DPP6: variants seen among roughly 807,000 people sequenced by gnomAD.
DPP6 encodes dipeptidyl peptidase like 6.
A neutral mutation model predicts 122.6 loss-of-function variants in DPP6; 69 were observed. The observed-to-expected ratio is 0.56, with a 90% confidence interval of 0.46 to 0.69. The LOEUF (loss-of-function observed/expected upper bound fraction) is 0.69. Among genes scored for constraint, DPP6 ranks in the 30% least tolerant of loss-of-function variants. The pLI, the probability that DPP6 is intolerant of heterozygous loss-of-function variation, is 0.00. For missense variants in DPP6, 928 were observed against 1,116.9 expected (o/e 0.83, Z 2.41); for synonymous variants, 418 against 433.1 (o/e 0.97, Z 0.43).
chr7:154,666,286 A>G (rs1234774289), intron 6 of DPP6, among the ~76,000 whole-genome samples: 1 of 150,848 alleles, frequency 6.6e-6, no homozygotes. Context: ...ATCACTCCAT[A>G]TCTGTTTATA....
In DPP6 at chr7:154,875,327, C is replaced by T. The variant is rs974527876; in HGVS notation, c.1884-579C>T. On this transcript the variant is annotated intron_variant, in intron 19 of 25. Coordinates refer to ENST00000377770, the MANE Select transcript of DPP6 (RefSeq NM_130797.4). This position sits in a 1 kb window ranked among gnomAD's most constrained non-coding sequence, Gnocchi z 4.5. Reference sequence around the variant, plus strand: ...GCTGGGAGGAGAGCACAGTGGGAGCCGCCAGCCCAGGTCGGAGGCCACACT... The same window carrying T: ...GCTGGGAGGAGAGCACAGTGGGAGCTGCCAGCCCAGGTCGGAGGCCACACT... Among the ~76,000 whole-genome samples the T allele has an allele frequency of 2.0e-5, 3 of 152,280 alleles. No individual in the cohort carries two copies. Among genetic ancestry groups the T allele is most frequent in the East Asian group, 1.9e-4 (1 of 5,168 alleles).
At chr7:153,977,018 A>G (rs1294194454) in intron 1 of DPP6, among the ~76,000 whole-genome samples, 2 of 152,134 alleles carry the variant, frequency 1.3e-5, no homozygotes, top group African/African-American at 4.8e-5. Context: ...CCCACTTTTC[A>G]TTCTGCACAC....
chr7:153,809,525 A>T, the DPP6 span, among the ~76,000 whole-genome samples: 1 of 152,202 alleles, frequency 6.6e-6, no homozygotes, highest in Non-Finnish European at 1.5e-5. Flanking sequence ...ACACTTCCGT[A>T]ATTCCTCCCC....
At chr7:154,772,503 C>T (rs755979613) in intron 9 of DPP6, among the ~76,000 whole-genome samples, 4 of 152,150 alleles carry the variant, frequency 2.6e-5, no homozygotes, top group Non-Finnish European at 4.4e-5. Flanking sequence ...TCCAACTCTC[C>T]CCTTCCTGGC....
At chr7:154,472,164 T>C (rs754309776) in intron 2 of DPP6, among the ~76,000 whole-genome samples, 3 of 152,194 alleles carry the variant, frequency 2.0e-5, no homozygotes, top group Non-Finnish European at 4.4e-5. Flanking sequence ...TGAAGAAAAA[T>C]AGTCTTTAAG....
chr7:154,868,832 G>A (rs1010046691), intron 18 of DPP6, among the ~76,000 whole-genome samples: 54 of 152,272 alleles, frequency 3.5e-4, no homozygotes, highest in African/African-American at 9.4e-4. Flanking sequence ...TGCCCACAGC[G>A]GATTTCACTG....
intron 8 of DPP6, among the ~76,000 whole-genome samples, chr7:154,764,757 T>C (rs1311223368): frequency 1.3e-5 from 2 of 152,216 alleles, no homozygotes. Context: ...GTTTACTGTA[T>C]TACAAACTTC....
chr7:154,722,651 G>T (rs1023377127), intron 7 of DPP6, among the ~76,000 whole-genome samples: 2 of 152,128 alleles, frequency 1.3e-5, no homozygotes, highest in Non-Finnish European at 2.9e-5. Flanking sequence ...TTGAGTGAGG[G>T]TGGCCCACGG....
chr7:154,042,715 A>C (rs1258642036), intron 1 of DPP6, among the ~76,000 whole-genome samples: 3 of 152,208 alleles, frequency 2.0e-5, no homozygotes, highest in Non-Finnish European at 1.5e-5. Context: ...TTCTCAATGA[A>C]GATTTTAAGG....
chr7:154,112,068 C>T (rs1483254205), intron 1 of DPP6, among the ~76,000 whole-genome samples: 5 of 152,102 alleles, frequency 3.3e-5, no homozygotes, highest in Admixed American at 1.3e-4. Context: ...TGGAGTGGAT[C>T]ACGAAGGGTA....
At chr7:154,208,570 G>A (rs936621786) in intron 1 of DPP6, among the ~76,000 whole-genome samples, 11 of 152,142 alleles carry the variant, frequency 7.2e-5, no homozygotes, top group Non-Finnish European at 1.5e-5. Context: ...AGAATTGATC[G>A]GCTGACTTAA....
rs777785695 is a variant in DPP6 at position 154,052,655 on chromosome 7, C to T, written c.-166C>T. ...CCAGCGGAGACTCGCGAGTGGCGCG[C>T]GGGAGGAGCGGCCGCCGGCGCTGGG... On this transcript the variant is annotated 5_prime_UTR_variant, in exon 1 of 26. Transcript: ENST00000377770. This position sits in a 1 kb window ranked among gnomAD's most constrained non-coding sequence, Gnocchi z 4.8. The T allele has an allele frequency of 4.3e-5, 54 of 1,255,894 alleles. No individual in the cohort carries two copies. Among genetic ancestry groups the T allele is most frequent in the Non-Finnish European group, 5.0e-5 (50 of 990,130 alleles). The allele number at this position is 1,255,894 out of a possible 1,614,324, so 77.8% of individuals were successfully genotyped here. A position where few individuals can be genotyped will look rare whatever the true frequency, so the allele number is the denominator to read the frequency against.
the DPP6 span, among the ~76,000 whole-genome samples, chr7:153,774,722 T>C: frequency 6.6e-6 from 1 of 152,116 alleles, no homozygotes; most frequent in Non-Finnish European, 1.5e-5. Flanking sequence ...CCTGACTCTT[T>C]GGGAGGCTGA....
chr7:154,247,297 A>T (rs1222406512), intron 1 of DPP6, among the ~76,000 whole-genome samples: 1 of 152,216 alleles, frequency 6.6e-6, no homozygotes, highest in African/African-American at 2.4e-5. Context: ...TGGGCGACAG[A>T]GTGAGACTCA....
At chr7:154,116,935 G>A (rs1242204428) in intron 1 of DPP6, among the ~76,000 whole-genome samples, 2 of 152,024 alleles carry the variant, frequency 1.3e-5, no homozygotes, top group African/African-American at 4.8e-5. Context: ...CACGGGAGGG[G>A]CACCCCCAAA....
At chr7:154,266,010 A>G (rs1803396107) in intron 1 of DPP6, among the ~76,000 whole-genome samples, 1 of 152,166 alleles carries the variant, frequency 6.6e-6, no homozygotes, top group African/African-American at 2.4e-5. Flanking sequence ...AACCATGGTG[A>G]GACATTGTAG....
intron 5 of DPP6, among the ~76,000 whole-genome samples, chr7:154,576,472 G>A (rs1831680364): frequency 6.6e-6 from 1 of 152,154 alleles, no homozygotes; most frequent in Non-Finnish European, 1.5e-5. Flanking sequence ...CATGCCTTTT[G>A]TAGTAGAAAG....
chr7:154,504,837 T>G (rs928638443), intron 3 of DPP6, among the ~76,000 whole-genome samples: 1 of 151,872 alleles, frequency 6.6e-6, no homozygotes, highest in African/African-American at 2.4e-5. Context: ...AAATTACATG[T>G]TTTTGAAACT....
intron 1 of DPP6, among the ~76,000 whole-genome samples, chr7:154,258,712 AC>A (rs1216318417): frequency 8.5e-5 from 13 of 152,222 alleles, no homozygotes; most frequent in Admixed American, 6.5e-5. Context: ...TAAGAAATAT[AC>A]AGAGTTCTGC....
Sources: allele counts gnomAD v4.1 joint callset (sites outside exome capture counted in the v4.1 genomes callset), GRCh38; gene constraint gnomAD v4.1.1; non-coding constraint Gnocchi (gnomAD v3.1); transcripts MANE v1.5; gene names NCBI Gene and HGNC (gene_info 2026-07-23, HGNC 2026-07-21).